UNC79: variants seen among roughly 807,000 people sequenced by gnomAD.
UNC79 encodes the protein protein unc-79 homolog.
UNC79 carries 37 observed loss-of-function variants against 283.1 expected under a neutral mutation model. The ratio of observed to expected loss-of-function variants is 0.13; its 90% CI spans 0.10 to 0.17. The LOEUF (loss-of-function observed/expected upper bound fraction) is 0.17. Among genes scored for constraint, UNC79 ranks in the 10% least tolerant of loss-of-function variants. The pLI, the probability that UNC79 is intolerant of heterozygous loss-of-function variation, is 1.00. For missense variants in UNC79, 2,272 were observed against 3,211.1 expected, an observed-to-expected ratio of 0.71 and a Z score of 7.07; for synonymous variants, 1,107 against 1,200.2, an observed-to-expected ratio of 0.92 and a Z score of 1.61.
At chr14:93,401,155 A>AT (rs1566913312) in intron 1 of UNC79, among the ~76,000 whole-genome samples, 1 of 152,180 alleles carries the variant, frequency 6.6e-6, no homozygotes, top group African/African-American at 2.4e-5. Flanking sequence ...TGGGACAAAA[A>AT]TTTTTTTAAA....
At chr14:93,659,542 C>T (rs913555934) in intron 39 of UNC79, among the ~76,000 whole-genome samples, 2 of 152,170 alleles carry the variant, frequency 1.3e-5, no homozygotes, top group African/African-American at 2.4e-5. Flanking sequence ...AGGATCTTAT[C>T]GTGTTGGTTC....
intron 30 of UNC79, 31 bp from the exon 33 acceptor site, chr14:93,630,770 C>T (rs988802917): frequency 5.2e-5 from 82 of 1,585,502 alleles, no homozygotes; most frequent in Non-Finnish European, 6.7e-5. Context: ...TAATCAGTGT[C>T]CTGAGTTTTA....
At chr14:93,706,980 C>A, downstream of UNC79, 4 of 1,541,018 alleles carry the variant, frequency 2.6e-6, no homozygotes, top group Non-Finnish European at 1.8e-6. Flanking sequence ...TTGATCCAAG[C>A]AGGTTGGGGA....
intron 7 of UNC79, among the ~76,000 whole-genome samples, chr14:93,506,089 T>G (rs1367908014): frequency 1.3e-5 from 2 of 152,128 alleles, no homozygotes; most frequent in South Asian, 2.1e-4. Flanking sequence ...TATCTGGGAT[T>G]GAAGTTTTTT....
At chr14:93,502,076 A>G (rs1469537210) in intron 7 of UNC79, among the ~76,000 whole-genome samples, 2 of 152,178 alleles carry the variant, frequency 1.3e-5, no homozygotes, top group African/African-American at 4.8e-5. Flanking sequence ...TTGGTTTATT[A>G]GTGTATATCA....
chr14:93,473,295 A>G lies in UNC79; in HGVS notation c.144-794A>G, dbSNP rs145860259. Among the ~76,000 whole-genome samples the G allele has an allele frequency of 4.5e-3, 689 of 152,254 alleles. 5 individuals carry two copies. The highest frequency in any genetic ancestry group is 0.016 in the African/African-American group (653 of 41,564). On this transcript the variant is annotated intron_variant, in intron 2 of 48. Coordinates refer to ENST00000555664, the Ensembl canonical transcript of UNC79. ...ATTTAATAAACCACTGTTTGTATTCATAAAATAAAATGTTTCCTCCCCAAC... is the reference window on the plus strand; with the variant it reads ...ATTTAATAAACCACTGTTTGTATTCGTAAAATAAAATGTTTCCTCCCCAAC...
intron 35 of UNC79, among the ~76,000 whole-genome samples, chr14:93,651,508 G>T (rs1385031065): frequency 6.6e-6 from 1 of 151,938 alleles, no homozygotes; most frequent in Non-Finnish European, 1.5e-5. Flanking sequence ...TTATTCTCAA[G>T]AATTTTATGT....
chr14:93,462,223 G>A (rs775600935), intron 1 of UNC79, among the ~76,000 whole-genome samples: 4 of 152,144 alleles, frequency 2.6e-5, no homozygotes, highest in Non-Finnish European at 5.9e-5. Flanking sequence ...GGAGAATCAC[G>A]TGAGCCTGGG....
chr14:93,488,424 T>G (rs2058552842), intron 5 of UNC79, among the ~76,000 whole-genome samples: 1 of 152,222 alleles, frequency 6.6e-6, no homozygotes, highest in South Asian at 2.1e-4. Context: ...GACCAAAACA[T>G]GTGCTAACAT....
chr14:93,376,065 A>G lies in UNC79; in HGVS notation c.-351+42542A>G, dbSNP rs1004932167. ...GTGACCTTTTGACCTGGGGCTTCTC[A>G]GCCTCCATAACTGTAAGAAATAAAT... On this transcript the variant is annotated intron_variant, in intron 1 of 49. Transcript: ENST00000256339. Among the ~76,000 whole-genome samples the G allele has an allele frequency of 3.3e-5, 5 of 152,222 alleles. No individual in the cohort carries two copies. In the East Asian group the frequency reaches 9.6e-4, roughly 29 times the overall value.
At chr14:93,404,515 A>ATATATATATATATAT (rs1566915302) in intron 1 of UNC79, among the ~76,000 whole-genome samples, 2 of 76,828 alleles carry the variant, frequency 2.6e-5, no homozygotes, top group South Asian at 3.7e-4. Flanking sequence ...TATATATATA[A>ATATATATATATATAT]ATATATACAT....
intron 38 of UNC79, among the ~76,000 whole-genome samples, chr14:93,658,783 G>T (rs948698486): frequency 6.6e-6 from 1 of 151,994 alleles, no homozygotes; most frequent in East Asian, 1.9e-4. Flanking sequence ...TCACAAATTG[G>T]TGCATCTCTT....
At chr14:93,418,372 C>T (rs961457445) in intron 1 of UNC79, among the ~76,000 whole-genome samples, 3 of 151,704 alleles carry the variant, frequency 2.0e-5, no homozygotes, top group Admixed American at 6.6e-5. Context: ...CTGATCATTC[C>T]TCTGGAAGTT....
At chr14:93,595,129 G>A (rs2064982286) in intron 23 of UNC79, among the ~76,000 whole-genome samples, 1 of 147,652 alleles carries the variant, frequency 6.8e-6, no homozygotes, top group Non-Finnish European at 1.5e-5. Flanking sequence ...TTGCTCTATT[G>A]CACAAGCTGG....
intron 1 of UNC79, among the ~76,000 whole-genome samples, chr14:93,383,605 G>T (rs138665605): frequency 6.6e-6 from 1 of 152,134 alleles, no homozygotes; most frequent in Non-Finnish European, 1.5e-5. Flanking sequence ...CTACAGCAAG[G>T]TGTACTCTCT....
intron 5 of UNC79, among the ~76,000 whole-genome samples, chr14:93,495,588 G>A (rs923859285): frequency 6.6e-6 from 1 of 152,202 alleles, no homozygotes; most frequent in Non-Finnish European, 1.5e-5. Context: ...GGTGACGGGA[G>A]GGTCATTCAT....
At chr14:93,602,403 G>T (rs1234225251) in intron 25 of UNC79, among the ~76,000 whole-genome samples, 1 of 152,172 alleles carries the variant, frequency 6.6e-6, no homozygotes. Context: ...TTGAAGATCA[G>T]TTGGCTGTAA....
At chr14:93,677,087 A>G (rs925268881) in intron 41 of UNC79, among the ~76,000 whole-genome samples, 3 of 151,790 alleles carry the variant, frequency 2.0e-5, no homozygotes, top group Admixed American at 6.6e-5. Flanking sequence ...GCACCAAGGG[A>G]AAAAAAAATT....
exon 7 of UNC79, chr14:93,497,271 G>A (rs779510859): frequency 6.2e-6 from 10 of 1,612,508 alleles, no homozygotes; most frequent in Admixed American, 1.7e-5. Context: ...CGAGTACAGG[G>A]GGTTGCAGTA....
Sources: gnomAD v4.1 joint callset for allele counts (sites outside exome capture counted in the v4.1 genomes callset) on GRCh38, gnomAD v4.1.1 for gene constraint, MANE v1.5 for transcripts, NCBI Gene and HGNC (gene_info 2026-07-23, HGNC 2026-07-21) for gene names.